TTYH3: variants seen among roughly 807,000 people sequenced by gnomAD.
TTYH3 encodes protein tweety homolog 3.
TTYH3 carries 23 observed loss-of-function variants against 68.2 expected under a neutral mutation model. The observed-to-expected ratio is 0.34, with a 90% CI of 0.24 to 0.48. The LOEUF is 0.48. Ranked by LOEUF, TTYH3 falls within the 20% of genes least tolerant of loss-of-function variation. TTYH3 has a pLI of 0.99. For synonymous variants in TTYH3, 360 were observed against 332.8 expected (o/e 1.08, Z -0.89); for missense variants, 768 against 727.7 (o/e 1.06, Z -0.64).
At chr7:2,657,190 G>C (rs1425021099) in intron 11 of TTYH3, among the ~76,000 whole-genome samples, 1 of 152,216 alleles carries the variant, frequency 6.6e-6, no homozygotes, top group East Asian at 1.9e-4. Context: ...CTCCCACTTG[G>C]ACTGTGGCTG....
At chr7:2,659,087 G>A (rs1786420289) in intron 13 of TTYH3, 72 bp downstream of exon 13, 1 of 1,463,352 alleles carries the variant, frequency 6.8e-7, no homozygotes, top group Non-Finnish European at 9.5e-7. Context: ...CTGCGTCGGT[G>A]GGCTGGTGTG....
chr7:2,640,407 G>GT (rs1373004460), intron 1 of TTYH3, among the ~76,000 whole-genome samples: 2 of 152,026 alleles, frequency 1.3e-5, no homozygotes, highest in Non-Finnish European at 2.9e-5. Context: ...TGTGTGTGGG[G>GT]GGGGACGTGT....
At chr7:2,655,504 A>G (rs1166270392) in intron 9 of TTYH3, among the ~76,000 whole-genome samples, 1 of 152,206 alleles carries the variant, frequency 6.6e-6, no homozygotes, top group East Asian at 1.9e-4. Context: ...AAAGGCAGCA[A>G]TGGGCCCAGT....
At position 2,652,934 on chromosome 7, in the gene TTYH3, A is replaced by G. The variant is rs1349734915; in HGVS notation, c.944A>G (p.His315Arg). The change falls in exon 9 of 14, where the codon CAC (histidine) becomes CGC (arginine). Residue 315 changes from histidine (H) to arginine (R), a missense_variant. Transcript: ENST00000258796. The stretch of plus-strand genomic sequence containing the variant: ...CTGGAGCAGAAGCTGTCGGGCAGCC[A>G]CAAGGCACTGGTGGAGATGCAGGAT... ...NPFQQKLSGS[H>R]KALVEMQDVV... The G allele has an allele frequency of 6.4e-7, 1 of 1,572,290 alleles. No homozygotes were observed. The highest frequency in any genetic ancestry group is 8.6e-7 in the Non-Finnish European group (1 of 1,158,740).
Position 2,663,525 on chromosome 7 carries a change from C to T in TTYH3, c.*1786C>T, listed in dbSNP as rs1193975815. Reference sequence around the variant, plus strand: ...CCAAACCTCAGTGGAGGGGCCTCTGCTTCAGGCCCCGCCTGGCTGACATTC... The same window carrying T: ...CCAAACCTCAGTGGAGGGGCCTCTGTTTCAGGCCCCGCCTGGCTGACATTC... On this transcript the variant is annotated 3_prime_UTR_variant, in exon 14 of 14. Coordinates refer to ENST00000258796, the MANE Select transcript of TTYH3 (RefSeq NM_025250.3). 2.0e-5 allele frequency: 3 copies of T among 152,542 alleles called. No individual in the cohort carries two copies. Among genetic ancestry groups the T allele is most frequent in the African/African-American group, 7.2e-5 (3 of 41,464 alleles). The allele number at this position is 152,542 out of a possible 1,614,324, so 9.4% of individuals were successfully genotyped here. A position where few individuals can be genotyped will look rare whatever the true frequency, so the allele number is the denominator to read the frequency against.
chr7:2,648,386 C>T (rs1786060285), intron 5 of TTYH3: 1 of 281,746 alleles, frequency 3.5e-6, no homozygotes, highest in Non-Finnish European at 6.6e-6. Context: ...GGGCTCCTTC[C>T]TCCACCCCTT....
At chr7:2,640,687 C>T (rs990475943) in intron 1 of TTYH3, among the ~76,000 whole-genome samples, 6 of 152,338 alleles carry the variant, frequency 3.9e-5, no homozygotes, top group African/African-American at 1.2e-4. Context: ...ATGGGAGTCA[C>T]GTCCAGACAG....
intron 5 of TTYH3, 41 bp from the exon 6 acceptor site, chr7:2,649,524 CCA>C: frequency 6.5e-7 from 1 of 1,544,000 alleles, no homozygotes; most frequent in Non-Finnish European, 8.7e-7. Context: ...GGCACGGCCC[CCA>C]CCCTGGCCTG....
rs569629437 is a variant in TTYH3 at position 2,650,560 on chromosome 7, A to G, written c.871+572A>G. Among the ~76,000 whole-genome samples the G allele has an allele frequency of 2.6e-5, 4 of 152,114 alleles. No homozygotes were observed. In the South Asian group the frequency reaches 8.3e-4, roughly 32 times the overall value. On this transcript the variant is annotated intron_variant, in intron 7 of 13. Coordinates refer to ENST00000258796, the MANE Select transcript of TTYH3 (RefSeq NM_025250.3). ...ACCACTGCATTCCAGCCTGGGCAAC[A>G]AGAGTGAAACTCCATCTCAAAAAAA...
chr7:2,648,290 G>A (rs1207954126), intron 5 of TTYH3: 1 of 520,342 alleles, frequency 1.9e-6, no homozygotes, highest in East Asian at 3.2e-5. Flanking sequence ...TCCTGCAAGA[G>A]TCTGCACGTG....
intron 8 of TTYH3, 45 bp downstream of exon 8, chr7:2,652,287 G>C: frequency 6.4e-7 from 1 of 1,570,514 alleles, no homozygotes; most frequent in Admixed American, 1.7e-5. Flanking sequence ...AGAGTCTGAA[G>C]CACATTGCTG....
intron 9 of TTYH3, among the ~76,000 whole-genome samples, chr7:2,654,935 A>C (rs189654623): frequency 8.4e-4 from 127 of 151,428 alleles, no homozygotes; most frequent in Non-Finnish European, 1.6e-3. Context: ...CAGCGCACCC[A>C]GCTCATTTTC....
In TTYH3 at chr7:2,648,074, C is replaced by A; in HGVS notation, c.722+20C>A. 1 of 1,600,008 alleles carries A rather than the reference C, an allele frequency of 6.2e-7. No individual in the cohort carries two copies. Among genetic ancestry groups the A allele is most frequent in the Non-Finnish European group, 8.5e-7 (1 of 1,175,558 alleles). ...GGTGGGGTGAGTCTGGGGGTGTCGG[C>A]CCCCCGTGGGCCCAAAGCGGAGGGG... On this transcript the variant is annotated intron_variant, in intron 5 of 13. Transcript: ENST00000258796.
Position 2,649,563 on chromosome 7 carries a change from C to G in TTYH3, c.723-4C>G. 1.3e-6 allele frequency: 2 copies of G among 1,580,632 alleles called. No homozygotes were observed. Among genetic ancestry groups the G allele is most frequent in the Non-Finnish European group, 1.7e-6 (2 of 1,170,374 alleles). On this transcript the variant is annotated splice_region_variant and splice_polypyrimidine_tract_variant and intron_variant, in intron 5 of 13. Coordinates refer to ENST00000258796, the MANE Select transcript of TTYH3 (RefSeq NM_025250.3). Reference sequence around the variant, plus strand: ...GGGCTGCTGACTGGCTGTCTCTGCCCCAGGGTCTGCCTGCTGGGAGTCCTG... The same window carrying G: ...GGGCTGCTGACTGGCTGTCTCTGCCGCAGGGTCTGCCTGCTGGGAGTCCTG...
chr7:2,647,111 G>A (rs200885316), intron 2 of TTYH3, 31 bp from the exon 3 acceptor site: 1 of 1,567,990 alleles, frequency 6.4e-7, no homozygotes. Flanking sequence ...TGGGTGGGCG[G>A]GGCTACATCT....
Position 2,658,263 on chromosome 7 carries a change from G to C in TTYH3, c.1251-23G>C, listed in dbSNP as rs557301159. Reference sequence around the variant, plus strand: ...CTCCTTCCTGCTGGGGCCTGAGCCCGTGCTGCGTGTCCCTCCTCACAGAGG... The same window carrying C: ...CTCCTTCCTGCTGGGGCCTGAGCCCCTGCTGCGTGTCCCTCCTCACAGAGG... On this transcript the variant is annotated intron_variant, in intron 11 of 13. Coordinates refer to ENST00000258796, the MANE Select transcript of TTYH3 (RefSeq NM_025250.3). 15 of 1,523,212 alleles carry C rather than the reference G, an allele frequency of 9.8e-6. No individual in the cohort carries two copies. The African/African-American group carries it at 2.0e-4, about 21-fold the overall frequency. 94.4% of individuals were successfully genotyped at this position (1,523,212 alleles called of 1,614,324 possible). A position where few individuals can be genotyped will look rare whatever the true frequency, so the allele number is the denominator to read the frequency against.
chr7:2,664,538 T>A lies in TTYH3; in HGVS notation c.*2799T>A, dbSNP rs1053405793. On this transcript the variant is annotated 3_prime_UTR_variant, in exon 14 of 14. Transcript: ENST00000258796. ...GGTTTACCCCCCCGGCCTGGGCATC[T>A]GACCTCCCCCACCCCAGTGTGATTT... is the stretch of plus-strand genomic sequence containing the variant. 2.0e-5 allele frequency: 3 copies of A among 151,928 alleles called. No homozygotes were observed. The highest frequency in any genetic ancestry group is 7.3e-5 in the African/African-American group (3 of 41,292). 9.4% of individuals were successfully genotyped at this position (151,928 alleles called of 1,614,324 possible). A position where few individuals can be genotyped will look rare whatever the true frequency, so the allele number is the denominator to read the frequency against.
intron 13 of TTYH3, among the ~76,000 whole-genome samples, chr7:2,661,073 G>A (rs1220872281): frequency 0.086 from 5 of 58 alleles, no homozygotes; most frequent in African/African-American, 0.5. Flanking sequence ...GGTCCCCCAC[G>A]GGAGGGGGGG....
At chr7:2,643,661 A>T (rs1199770335) in intron 1 of TTYH3, among the ~76,000 whole-genome samples, 3 of 152,208 alleles carry the variant, frequency 2.0e-5, no homozygotes, top group African/African-American at 7.2e-5. Flanking sequence ...GCCAGGGCTT[A>T]TCTCGCTCTG....
Sources: allele counts gnomAD v4.1 joint callset (sites outside exome capture counted in the v4.1 genomes callset), GRCh38; gene constraint gnomAD v4.1.1; transcripts MANE v1.5; gene names NCBI Gene and HGNC (gene_info 2026-07-23, HGNC 2026-07-21).